The following BBX variants were observed in gnomAD, a reference collection of about 807,000 sequenced individuals.
BBX encodes BBX high mobility group box domain containing, also known as HMG box transcription factor BBX.
Under a neutral mutation model 100.2 loss-of-function variants are expected in BBX, and 30 were observed. The ratio of observed to expected loss-of-function variants is 0.30; its 90% CI spans 0.22 to 0.41. BBX has a LOEUF of 0.41. Among genes scored for constraint, BBX ranks in the 10% least tolerant of loss-of-function variants. The pLI, the probability that BBX is intolerant of heterozygous loss-of-function variation, is 1.00. For synonymous variants in BBX, 376 were observed against 388.1 expected (o/e 0.97, Z 0.37); for missense variants, 1,023 against 1,129.8 (o/e 0.91, Z 1.35).
intron 4 of BBX, among the ~76,000 whole-genome samples, chr3:107,714,435 G>C (rs1576467259): frequency 6.6e-6 from 1 of 152,090 alleles, no homozygotes; most frequent in African/African-American, 2.4e-5. Context: ...CAAAACATGA[G>C]GTCCTTTGTC....
chr3:107,636,597 G>A (rs1576109552), intron 2 of BBX, among the ~76,000 whole-genome samples: 1 of 152,138 alleles, frequency 6.6e-6, no homozygotes, highest in Non-Finnish European at 1.5e-5. Context: ...TAAGTCTTTT[G>A]CCATTTGCCT....
rs1438305441 is a variant in BBX, at chr3:107,617,873, C to CT, written c.-83-27954dup. 1.3e-4 allele frequency among the ~76,000 whole-genome samples: 19 copies of CT among 150,672 alleles called. No homozygotes were observed. In the South Asian group the frequency reaches 3.4e-3, roughly 27 times the overall value. Reference sequence around the variant, plus strand: ...TGTTTCTTCTTTCAGGTCTGTATGCCTTTTTTTTTCCTTGACTTATTGCAC... The same window carrying CT: ...TGTTTCTTCTTTCAGGTCTGTATGCCTTTTTTTTTTCCTTGACTTATTGCAC... On this transcript the variant is annotated intron_variant, in intron 2 of 17. Transcript: ENST00000325805.
At chr3:107,785,655 A>G (rs1377989273) in intron 13 of BBX, among the ~76,000 whole-genome samples, 2 of 152,028 alleles carry the variant, frequency 1.3e-5, no homozygotes, top group Non-Finnish European at 1.5e-5. Context: ...TTACTCAACA[A>G]ACTAGAGTTA....
chr3:107,724,112 G>A (rs1310197928), intron 5 of BBX, among the ~76,000 whole-genome samples: 1 of 152,200 alleles, frequency 6.6e-6, no homozygotes, highest in East Asian at 1.9e-4. Flanking sequence ...TGTAACTGGT[G>A]TGAGATGGTA....
rs192828678 is a variant in BBX at position 107,678,594 on chromosome 3, C to T, written c.-9-31858C>T. On this transcript the variant is annotated intron_variant, in intron 3 of 17. Coordinates refer to ENST00000325805, the MANE Select transcript of BBX (RefSeq NM_001142568.3). ...GAAACATTAGCTGGGTGTGGTGGTG[C>T]ACGCCTGTAGTCTCAGCTACTCTAG... Among the ~76,000 whole-genome samples, 341 of 152,064 alleles carry T rather than the reference C, an allele frequency of 2.2e-3. 2 individuals are homozygous for T. The highest frequency in any genetic ancestry group is 7.9e-3 in the African/African-American group (328 of 41,498).
intron 3 of BBX, among the ~76,000 whole-genome samples, chr3:107,687,634 A>G (rs889330803): frequency 2.6e-5 from 4 of 151,948 alleles, no homozygotes; most frequent in Admixed American, 6.6e-5. Context: ...CATTGGATCT[A>G]TTTTTCCTTT....
chr3:107,563,600 TG>T (rs1445764711), intron 2 of BBX, among the ~76,000 whole-genome samples: 1 of 152,244 alleles, frequency 6.6e-6, no homozygotes, highest in East Asian at 1.9e-4. Context: ...TACATTTTTT[TG>T]TGTCAAAAAC....
chr3:107,579,955 T>A (rs1439841035), intron 2 of BBX, among the ~76,000 whole-genome samples: 1 of 152,120 alleles, frequency 6.6e-6, no homozygotes, highest in Non-Finnish European at 1.5e-5. Flanking sequence ...AGCTCTGGAG[T>A]ATTTTTTGTT....
rs2071262326 is a variant in BBX at position 107,810,961 on chromosome 3, G to A, written c.*5504G>A. 1 of 151,314 alleles carries A rather than the reference G, an allele frequency of 6.6e-6. No individual in the cohort carries two copies. Among genetic ancestry groups the A allele is most frequent in the Admixed American group, 6.6e-5 (1 of 15,166 alleles). 9.4% of individuals were successfully genotyped at this position (151,314 alleles called of 1,614,324 possible). ...TGGCTTGGTTCTCTTTAGAGTTGGT[G>A]TAAACATGCCATGTAATAAATGATT... On this transcript the variant is annotated 3_prime_UTR_variant, in exon 18 of 18. Coordinates refer to ENST00000325805, the MANE Select transcript of BBX (RefSeq NM_001142568.3).
chr3:107,669,338 A>G (rs2058910479), intron 3 of BBX, among the ~76,000 whole-genome samples: 1 of 152,166 alleles, frequency 6.6e-6, no homozygotes, highest in African/African-American at 2.4e-5. Flanking sequence ...GGATCTCTGG[A>G]CAAATGATAA....
intron 2 of BBX, among the ~76,000 whole-genome samples, chr3:107,597,596 T>C (rs1194446016): frequency 6.6e-6 from 1 of 152,200 alleles, no homozygotes; most frequent in African/African-American, 2.4e-5. Flanking sequence ...TTTACATAAG[T>C]TGAAAGAATG....
chr3:107,549,737 C>T (rs1028490324), intron 2 of BBX, among the ~76,000 whole-genome samples: 2 of 152,136 alleles, frequency 1.3e-5, no homozygotes, highest in Non-Finnish European at 2.9e-5. Context: ...ATGTGCATTC[C>T]TTGCAGCTGA....
In BBX at chr3:107,586,270, A is replaced by G. The variant is rs551532761; in HGVS notation, c.-83-59566A>G. Among the ~76,000 whole-genome samples, 8 of 152,322 alleles carry G rather than the reference A, an allele frequency of 5.3e-5. No homozygotes were observed. In the South Asian group the frequency reaches 1.4e-3, roughly 28 times the overall value. On this transcript the variant is annotated intron_variant, in intron 2 of 17. Coordinates refer to ENST00000325805, the MANE Select transcript of BBX (RefSeq NM_001142568.3). ...AGAGAAATTTAAAATTAAGAAATTT[A>G]AGACTTTTGAATATTAATCAAGAAT... is the stretch of plus-strand genomic sequence containing the variant.
intron 13 of BBX, among the ~76,000 whole-genome samples, chr3:107,781,544 T>C (rs924364716): frequency 1.3e-5 from 2 of 152,150 alleles, no homozygotes; most frequent in Admixed American, 6.6e-5. Flanking sequence ...CTTTAAATTA[T>C]ATGTCTAAAT....
chr3:107,656,590 T>G (rs1397600591), intron 3 of BBX, among the ~76,000 whole-genome samples: 1 of 152,248 alleles, frequency 6.6e-6, no homozygotes, highest in East Asian at 1.9e-4. Flanking sequence ...TGAGAGTTTG[T>G]GCTCTGGATC....
intron 2 of BBX, among the ~76,000 whole-genome samples, chr3:107,547,148 C>T (rs2049298277): frequency 6.6e-6 from 1 of 152,164 alleles, no homozygotes; most frequent in African/African-American, 2.4e-5. Context: ...AAAGCTCAAA[C>T]ATCCTCAATT....
At chr3:107,550,825 T>A (rs947003289) in intron 2 of BBX, among the ~76,000 whole-genome samples, 4 of 152,106 alleles carry the variant, frequency 2.6e-5, no homozygotes, top group Non-Finnish European at 5.9e-5. Context: ...TAATTACTCA[T>A]CTAGGGTGGC....
chr3:107,715,812 C>A (rs945255418), intron 4 of BBX, among the ~76,000 whole-genome samples: 1 of 152,150 alleles, frequency 6.6e-6, no homozygotes, highest in African/African-American at 2.4e-5. Flanking sequence ...TTGTAGAAGT[C>A]CTCGAAGACC....
intron 16 of BBX, among the ~76,000 whole-genome samples, chr3:107,800,294 C>T (rs1446636768): frequency 6.6e-6 from 1 of 152,192 alleles, no homozygotes; most frequent in African/African-American, 2.4e-5. Flanking sequence ...TAGATTGTTA[C>T]ATCCACATTT....
Sources: allele counts gnomAD v4.1 joint callset (sites outside exome capture counted in the v4.1 genomes callset), GRCh38; gene constraint gnomAD v4.1.1; transcripts MANE v1.5; gene names NCBI Gene and HGNC (gene_info 2026-07-23, HGNC 2026-07-21).